The following PDE10A variants were observed in gnomAD, a reference collection of about 807,000 sequenced individuals.
PDE10A encodes cAMP and cAMP-inhibited cGMP 3',5'-cyclic phosphodiesterase 10A.
In PDE10A, 39 loss-of-function variants were observed where a neutral mutation model predicts 97.7. The ratio of observed to expected loss-of-function variants is 0.40; its 90% confidence interval spans 0.31 to 0.52. The LOEUF is 0.52. Among genes scored for constraint, PDE10A ranks in the 20% least tolerant of loss-of-function variants. PDE10A has a pLI of 0.56. For missense variants in PDE10A, 731 were observed against 1,047.8 expected, an observed-to-expected ratio of 0.70 and a Z score of 4.17; for synonymous variants, 371 against 376.8, an observed-to-expected ratio of 0.98 and a Z score of 0.18.
intron 1 of PDE10A, among the ~76,000 whole-genome samples, chr6:165,563,899 A>C (rs948366505): frequency 1.3e-5 from 2 of 152,122 alleles, no homozygotes; most frequent in African/African-American, 4.8e-5. Context: ...AAAAAAAAAA[A>C]AAAGGTAGCT....
chr6:165,849,126 T>A (rs1780501704), intron 1 of PDE10A, among the ~76,000 whole-genome samples: 1 of 152,184 alleles, frequency 6.6e-6, no homozygotes, highest in African/African-American at 2.4e-5. Flanking sequence ...AATACATAAA[T>A]TTTCTATTTT....
intron 1 of PDE10A, among the ~76,000 whole-genome samples, chr6:165,644,196 C>T (rs1203493835): frequency 6.6e-6 from 1 of 151,764 alleles, no homozygotes; most frequent in African/African-American, 2.4e-5. Flanking sequence ...GCTGGGACTA[C>T]AGGCGCCCGC....
At chr6:165,393,731 G>A (rs1216446556) in intron 15 of PDE10A, among the ~76,000 whole-genome samples, 1 of 152,078 alleles carries the variant, frequency 6.6e-6, no homozygotes, top group East Asian at 1.9e-4. Flanking sequence ...CAGGCTTCAA[G>A]AAGAATGACA....
At chr6:165,740,157 C>T (rs1026817591) in intron 1 of PDE10A, among the ~76,000 whole-genome samples, 11 of 152,146 alleles carry the variant, frequency 7.2e-5, no homozygotes, top group African/African-American at 2.7e-4. Flanking sequence ...GATATCTGCA[C>T]TCCTATTGCC....
intron 1 of PDE10A, among the ~76,000 whole-genome samples, chr6:165,643,313 G>A (rs914169268): frequency 3.3e-5 from 5 of 152,208 alleles, no homozygotes; most frequent in Middle Eastern, 3.4e-3. Flanking sequence ...ACAGATGTAT[G>A]GACAGATGAG....
chr6:165,698,833 T>G (rs531748978), intron 1 of PDE10A, among the ~76,000 whole-genome samples: 1 of 152,194 alleles, frequency 6.6e-6, no homozygotes, highest in African/African-American at 2.4e-5. Context: ...AGAGTGAGAC[T>G]TTGTCTCAAA....
chr6:165,403,127 A>G (rs1225452647), intron 13 of PDE10A, among the ~76,000 whole-genome samples: 2 of 152,218 alleles, frequency 1.3e-5, no homozygotes, highest in Non-Finnish European at 2.9e-5. Context: ...GTTCAATGGA[A>G]TAACACGGGG....
chr6:165,656,701 G>A (rs1227899340), intron 1 of PDE10A, among the ~76,000 whole-genome samples: 1 of 152,098 alleles, frequency 6.6e-6, no homozygotes. Context: ...CTTTCCCTTG[G>A]CCTCAGAAGG....
At chr6:165,738,721 G>C (rs946555252) in intron 1 of PDE10A, among the ~76,000 whole-genome samples, 4 of 152,082 alleles carry the variant, frequency 2.6e-5, no homozygotes, top group African/African-American at 9.7e-5. Flanking sequence ...GGTGTGAGAT[G>C]ATATCTCATT....
At chr6:165,754,176 A>G (rs1494767) in intron 1 of PDE10A, 151,434 of 152,352 alleles carry the variant, frequency 0.99, 75,271 homozygotes, top group Middle Eastern at 1. Context: ...CCTTTTTTGA[A>G]TATTTACTAA....
chr6:165,627,027 T>C (rs1251269292), intron 1 of PDE10A, among the ~76,000 whole-genome samples: 1 of 152,234 alleles, frequency 6.6e-6, no homozygotes, highest in African/African-American at 2.4e-5. Flanking sequence ...CTGACCTCTT[T>C]CACATCTCTA....
At chr6:165,967,858 T>C (rs1784557212) in intron 1 of PDE10A, among the ~76,000 whole-genome samples, 1 of 152,216 alleles carries the variant, frequency 6.6e-6, no homozygotes, top group South Asian at 2.1e-4. Flanking sequence ...GATGGGTAGC[T>C]GTTTTCACCA....
rs970043785 is a variant in PDE10A, at chr6:165,845,049, C to T, written c.-615+142480G>A. ...CTTATTTAAGAGCTCTATAAAGAAGCGATATAATTCTGAACATAAAAACTT... is the reference window on the plus strand; with the variant it reads ...CTTATTTAAGAGCTCTATAAAGAAGTGATATAATTCTGAACATAAAAACTT... On this transcript the variant is annotated intron_variant, in intron 1 of 19. Transcript: ENST00000366882. Among the ~76,000 whole-genome samples the T allele has an allele frequency of 2.6e-5, 4 of 152,252 alleles. No homozygotes were observed. The East Asian group carries it at 5.8e-4, about 22-fold the overall frequency.
chr6:165,727,591 T>C (rs1792332307), intron 1 of PDE10A, among the ~76,000 whole-genome samples: 2 of 152,200 alleles, frequency 1.3e-5, no homozygotes, highest in African/African-American at 4.8e-5. Flanking sequence ...GTTCCTTCCC[T>C]AAGGCTGAAG....
chr6:165,629,520 C>A (rs1211041425), intron 1 of PDE10A, among the ~76,000 whole-genome samples: 1 of 135,894 alleles, frequency 7.4e-6, no homozygotes, highest in African/African-American at 3.0e-5. Flanking sequence ...ATATTAACAA[C>A]CTTTTTTTTT....
intron 1 of PDE10A, among the ~76,000 whole-genome samples, chr6:165,837,582 C>T (rs1780096789): frequency 6.6e-6 from 1 of 151,490 alleles, no homozygotes; most frequent in Non-Finnish European, 1.5e-5. Context: ...TAGGTTACAC[C>T]TCACTAATTG....
chr6:165,372,223 G>T (rs1784304824), intron 18 of PDE10A, among the ~76,000 whole-genome samples: 1 of 148,054 alleles, frequency 6.8e-6, no homozygotes, highest in Admixed American at 6.8e-5. Context: ...GGAAGTTCTG[G>T]CCAGGGCAAT....
intron 2 of PDE10A, among the ~76,000 whole-genome samples, chr6:165,538,481 C>T (rs1177107658): frequency 6.6e-6 from 1 of 151,982 alleles, no homozygotes; most frequent in Non-Finnish European, 1.5e-5. Context: ...CTAAGTAACT[C>T]GCCTTTAAGA....
At chr6:165,803,442 C>T (rs1002499458) in intron 1 of PDE10A, among the ~76,000 whole-genome samples, 4 of 152,176 alleles carry the variant, frequency 2.6e-5, no homozygotes, top group Non-Finnish European at 5.9e-5. Flanking sequence ...TAAAATGCAT[C>T]CACAACTAAA....
Sources: allele counts gnomAD v4.1 joint callset (sites outside exome capture counted in the v4.1 genomes callset), GRCh38; gene constraint gnomAD v4.1.1; transcripts MANE v1.5; gene names NCBI Gene and HGNC (gene_info 2026-07-23, HGNC 2026-07-21).